The following RPS6KB1 variants were observed in gnomAD, a reference collection of about 807,000 sequenced individuals.
The protein encoded by RPS6KB1 is ribosomal protein S6 kinase B1.
RPS6KB1 carries 12 observed loss-of-function variants against 70.2 expected under a neutral mutation model. That is an observed-to-expected ratio of 0.17 (90% CI 0.11 to 0.28). The LOEUF (loss-of-function observed/expected upper bound fraction) is 0.28. Among genes scored for constraint, RPS6KB1 ranks in the 10% least tolerant of loss-of-function variants. The pLI is 1.00. For synonymous variants in RPS6KB1, 175 were observed against 211.2 expected, an observed-to-expected ratio of 0.83 and a Z score of 1.49; for missense variants, 270 against 646.6, an observed-to-expected ratio of 0.42 and a Z score of 6.32.
At position 59,893,199 on chromosome 17, in the gene RPS6KB1, G is replaced by C. The variant is rs773013562; in HGVS notation, c.15G>C (p.Arg5Ser). 2 of 1,604,594 alleles carry C rather than the reference G, an allele frequency of 1.2e-6. No individual in the cohort carries two copies. The highest frequency in any genetic ancestry group is 1.7e-6 in the Non-Finnish European group (2 of 1,176,320). The change falls in exon 1 of 15, where the codon AGG becomes AGC. Residue 5 changes from arginine (R) to serine (S), a missense_variant. Arg to Ser is a moderately radical substitution (Grantham distance 110). This residue lies in a region of RPS6KB1 where 72 missense variants were observed against 93.4 expected (regional missense o/e 0.77). Transcript: ENST00000225577. This position sits in a 1 kb window ranked among gnomAD's most constrained non-coding sequence, Gnocchi z 4.1. MRRR[R>S]RRDGFYPAPD... The stretch of plus-strand genomic sequence containing the variant: ...GGTCCGGGCCCATGAGGCGACGAAG[G>C]AGGCGGGACGGCTTTTACCCAGCCC...
chr17:59,910,704 C>A, intron 2 of RPS6KB1, 93 bp downstream of exon 2: 1 of 808,300 alleles, frequency 1.2e-6, no homozygotes, highest in Non-Finnish European at 2.0e-6. Flanking sequence ...ATTCCTGTAA[C>A]CTGTTCTTAA....
chr17:59,912,077 A>G (rs1392405887), intron 2 of RPS6KB1: 1 of 152,792 alleles, frequency 6.5e-6, no homozygotes, highest in East Asian at 1.9e-4. Context: ...AATAACTGCA[A>G]GACTTTTTTT....
At chr17:59,908,239 C>T (rs1487027064) in intron 1 of RPS6KB1, among the ~76,000 whole-genome samples, 1 of 151,324 alleles carries the variant, frequency 6.6e-6, no homozygotes, top group Non-Finnish European at 1.5e-5. Context: ...GTCACTTAGG[C>T]TGGAGTGCAG....
chr17:59,925,174 C>A (rs1291315106), intron 4 of RPS6KB1, among the ~76,000 whole-genome samples: 1 of 150,090 alleles, frequency 6.7e-6, no homozygotes, highest in Admixed American at 6.6e-5. Context: ...TGTGTAGATT[C>A]CATAGGTTTT....
chr17:59,926,596 G>C lies in RPS6KB1; in HGVS notation c.529+14G>C, dbSNP rs776002490. The C allele has an allele frequency of 6.3e-7, 1 of 1,579,182 alleles. No homozygotes were observed. The highest frequency in any genetic ancestry group is 1.9e-5 in the Admixed American group (1 of 53,516). The stretch of plus-strand genomic sequence containing the variant: ...AGTATCTCAGTGGTCAGTACACAGA[G>C]TTTGGTGTAATTATTTGCATTTGCT... On this transcript the variant is annotated intron_variant, in intron 5 of 14. Coordinates refer to ENST00000225577, the MANE Select transcript of RPS6KB1 (RefSeq NM_003161.4).
intron 4 of RPS6KB1, among the ~76,000 whole-genome samples, chr17:59,921,345 T>C (rs1294069217): frequency 2.0e-5 from 3 of 152,116 alleles, no homozygotes; most frequent in African/African-American, 4.8e-5. Context: ...TCCTTCCTTG[T>C]CCTTGAAAGC....
At chr17:59,910,841 C>G (rs2042589337) in intron 2 of RPS6KB1, among the ~76,000 whole-genome samples, 1 of 152,138 alleles carries the variant, frequency 6.6e-6, no homozygotes, top group African/African-American at 2.4e-5. Context: ...ATTCAGAGTA[C>G]TAAATATGAA....
chr17:59,947,230 A>G lies in RPS6KB1; in HGVS notation c.*442A>G, dbSNP rs1402127765. On this transcript the variant is annotated 3_prime_UTR_variant, in exon 15 of 15. Coordinates refer to ENST00000225577, the MANE Select transcript of RPS6KB1 (RefSeq NM_003161.4). The stretch of plus-strand genomic sequence containing the variant: ...ATGCAAGCTTGGTCAAACTTTTTCC[A>G]GCAAAATGGAAGCAAAGACAAAAGA... The G allele has an allele frequency of 9.7e-7, 1 of 1,027,822 alleles. No homozygotes were observed. Among genetic ancestry groups the G allele is most frequent in the Non-Finnish European group, 1.2e-6 (1 of 858,078 alleles). The allele number at this position is 1,027,822 out of a possible 1,614,324, so 63.7% of individuals were successfully genotyped here.
rs1208521330 is a variant in RPS6KB1, at chr17:59,934,113, A to C, written c.689-57A>C. On this transcript the variant is annotated intron_variant, in intron 7 of 14. Coordinates refer to ENST00000225577, the MANE Select transcript of RPS6KB1 (RefSeq NM_003161.4). This position sits in a 1 kb window ranked among gnomAD's most constrained non-coding sequence, Gnocchi z 4.8. Reference sequence around the variant, plus strand: ...GATTAAAGTATTATGTGACATGTTCAAACACTGCACATACTTATAATTCGG... The same window carrying C: ...GATTAAAGTATTATGTGACATGTTCCAACACTGCACATACTTATAATTCGG... The C allele has an allele frequency of 8.9e-7, 1 of 1,128,370 alleles. No individual in the cohort carries two copies. The highest frequency in any genetic ancestry group is 1.5e-5 in the African/African-American group (1 of 65,440). 69.9% of individuals were successfully genotyped at this position (1,128,370 alleles called of 1,614,324 possible).
chr17:59,934,312 T>C lies in RPS6KB1; in HGVS notation c.779+52T>C. ...TTTGGGGGTAATAGCTAATTTTACC[T>C]GTTTTAAGGAATAGTATCTGTTTTC... On this transcript the variant is annotated intron_variant, in intron 8 of 14. Coordinates refer to ENST00000225577, the MANE Select transcript of RPS6KB1 (RefSeq NM_003161.4). This position sits in a 1 kb window ranked among gnomAD's most constrained non-coding sequence, Gnocchi z 4.8. The C allele has an allele frequency of 6.8e-7, 1 of 1,464,308 alleles. No homozygotes were observed. The highest frequency in any genetic ancestry group is 9.6e-7 in the Non-Finnish European group (1 of 1,043,838). 90.7% of individuals were successfully genotyped at this position (1,464,308 alleles called of 1,614,324 possible). A position where few individuals can be genotyped will look rare whatever the true frequency, so the allele number is the denominator to read the frequency against.
chr17:59,894,317 G>T (rs1230400382), intron 1 of RPS6KB1, among the ~76,000 whole-genome samples: 1 of 152,010 alleles, frequency 6.6e-6, no homozygotes, highest in Non-Finnish European at 1.5e-5. Flanking sequence ...TGCACCTGAA[G>T]TTCAAAAATG....
At chr17:59,928,500 C>A (rs2043755354) in intron 5 of RPS6KB1, among the ~76,000 whole-genome samples, 1 of 151,938 alleles carries the variant, frequency 6.6e-6, no homozygotes, top group Admixed American at 6.6e-5. Flanking sequence ...CAGGCACCCA[C>A]CACCACGCCC....
In RPS6KB1 at chr17:59,908,808, C is replaced by T. The variant is rs556933200; in HGVS notation, c.142-1754C>T. Among the ~76,000 whole-genome samples the T allele has an allele frequency of 4.4e-4, 61 of 139,698 alleles. 1 individual carries two copies. The highest frequency in any genetic ancestry group is 1.6e-3 in the African/African-American group (56 of 36,048). The allele number at this position is 139,698 out of a possible 152,430, so 91.6% of individuals were successfully genotyped here. On this transcript the variant is annotated intron_variant, in intron 1 of 14. Coordinates refer to ENST00000225577, the MANE Select transcript of RPS6KB1 (RefSeq NM_003161.4). The stretch of plus-strand genomic sequence containing the variant: ...TAATTTTTTGTATTTTTAGTAGAGA[C>T]GGGGTTTCACCGTGTTAGCCAGGAT...
chr17:59,919,946 C>A (rs185868904), intron 4 of RPS6KB1, among the ~76,000 whole-genome samples: 6 of 152,304 alleles, frequency 3.9e-5, no homozygotes, highest in Non-Finnish European at 7.4e-5. Context: ...GATCTTACCC[C>A]ACTCTGCTAC....
intron 1 of RPS6KB1, among the ~76,000 whole-genome samples, chr17:59,904,034 C>CACAGCCCGGAGTAATT (rs1244918601): frequency 6.6e-6 from 1 of 151,854 alleles, no homozygotes. Flanking sequence ...AGCCACTGCG[C>CACAGCCCGGAGTAATT]CTGGCCTATT....
intron 1 of RPS6KB1, among the ~76,000 whole-genome samples, chr17:59,894,711 T>G (rs1287442212): frequency 6.6e-6 from 1 of 152,146 alleles, no homozygotes; most frequent in Admixed American, 6.5e-5. Context: ...TTTAAGCGAT[T>G]GTCATGGCTC....
Position 59,945,793 on chromosome 17 carries a change from A to T in RPS6KB1, c.1340+275A>T, listed in dbSNP as rs147250594. Reference sequence around the variant, plus strand: ...TTTATTGTGCACCAAGAGCACCAGCACTACATACTGCATGTTATGTGTGTG... The same window carrying T: ...TTTATTGTGCACCAAGAGCACCAGCTCTACATACTGCATGTTATGTGTGTG... On this transcript the variant is annotated intron_variant, in intron 14 of 14. Transcript: ENST00000225577. Among the ~76,000 whole-genome samples the T allele has an allele frequency of 1.9e-3, 295 of 152,320 alleles. 2 individuals carry two copies. Among genetic ancestry groups the T allele is most frequent in the Middle Eastern group, 3.4e-3 (1 of 294 alleles).
chr17:59,936,789 A>G (rs1057354212), intron 12 of RPS6KB1, among the ~76,000 whole-genome samples: 4 of 152,186 alleles, frequency 2.6e-5, no homozygotes, highest in South Asian at 2.1e-4. Flanking sequence ...AATAAGAAAA[A>G]TCTCAGAGCA....
intron 1 of RPS6KB1, chr17:59,907,452 G>A (rs2042339783): frequency 6.6e-6 from 1 of 152,060 alleles, no homozygotes; most frequent in South Asian, 2.1e-4. Context: ...CCATAAACAT[G>A]GAATGCCTTT....
Sources: gnomAD v4.1 joint callset for allele counts (sites outside exome capture counted in the v4.1 genomes callset) on GRCh38, gnomAD v4.1.1 for gene constraint, gnomAD v4.1.1 regional missense constraint, Gnocchi (gnomAD v3.1) non-coding constraint, MANE v1.5 for transcripts, NCBI Gene and HGNC (gene_info 2026-07-23, HGNC 2026-07-21) for gene names.